PCDH15: variants seen among roughly 807,000 people sequenced by gnomAD.
PCDH15 encodes the protein protocadherin-15.
Under a neutral mutation model 178.5 loss-of-function variants are expected in PCDH15, and 129 were observed. The ratio of observed to expected loss-of-function variants is 0.72; its 90% confidence interval spans 0.63 to 0.84. The LOEUF (loss-of-function observed/expected upper bound fraction) is 0.84. Among genes scored for constraint, PCDH15 ranks in the 40% least tolerant of loss-of-function variants. The pLI, the probability that PCDH15 is intolerant of heterozygous loss-of-function variation, is 0.00. For synonymous variants in PCDH15, 800 were observed against 732.0 expected, an observed-to-expected ratio of 1.09 and a Z score of -1.50; for missense variants, 2,230 against 2,099.9, an observed-to-expected ratio of 1.06 and a Z score of -1.21.
At chr10:53,968,508 TC>T (rs1387001214) in intron 21 of PCDH15, among the ~76,000 whole-genome samples, 2 of 151,994 alleles carry the variant, frequency 1.3e-5, no homozygotes, top group African/African-American at 4.8e-5. Context: ...GAGTAGTGCT[TC>T]CCCCAGCACA....
chr10:54,737,503 G>A (rs1389671310), intron 1 of PCDH15, among the ~76,000 whole-genome samples: 1 of 152,090 alleles, frequency 6.6e-6, no homozygotes. Flanking sequence ...AATTCCAAAT[G>A]TATGAAATTG....
intron 8 of PCDH15, among the ~76,000 whole-genome samples, chr10:54,284,103 G>A (rs752922544): frequency 5.9e-5 from 9 of 152,022 alleles, no homozygotes; most frequent in African/African-American, 9.7e-5. Context: ...CCTAAGTGCT[G>A]GAATTACAGT....
intron 18 of PCDH15, among the ~76,000 whole-genome samples, chr10:54,042,459 G>T (rs373027781): frequency 8.5e-5 from 13 of 152,198 alleles, no homozygotes; most frequent in African/African-American, 2.9e-4. Context: ...TTGAAATGGG[G>T]TACTCAGTGA....
rs190674830 is a variant in PCDH15, at chr10:54,924,234, A to G, written c.-79-26734T>C. Among the ~76,000 whole-genome samples, 12 of 137,260 alleles carry G rather than the reference A, an allele frequency of 8.7e-5. 1 individual carries two copies. The East Asian group carries it at 2.0e-3, about 23-fold the overall frequency. 90.0% of individuals were successfully genotyped at this position (137,260 alleles called of 152,430 possible). A position where few individuals can be genotyped will look rare whatever the true frequency, so the allele number is the denominator to read the frequency against. On this transcript the variant is annotated intron_variant, in intron 2 of 5. Coordinates refer to the PCDH15 transcript ENST00000458638. ...CAATCACAAGAACAGCAGGGGGGAA[A>G]TCCGCCCCCATGATCCAATCACCTC... is the stretch of plus-strand genomic sequence containing the variant.
chr10:54,033,696 CTATT>C (rs758984090), intron 18 of PCDH15, among the ~76,000 whole-genome samples: 5 of 151,904 alleles, frequency 3.3e-5, no homozygotes, highest in South Asian at 2.1e-4. Context: ...CCAGGCCTTC[CTATT>C]TATTTGATTA....
chr10:54,903,675 A>G (rs1467974675), intron 2 of PCDH15, among the ~76,000 whole-genome samples: 3 of 152,180 alleles, frequency 2.0e-5, no homozygotes, highest in Non-Finnish European at 4.4e-5. Context: ...CAATTCAAAA[A>G]TAAAAATTAT....
At chr10:55,166,748 T>C (rs1195075090) in intron 1 of PCDH15, 1 of 152,216 alleles carries the variant, frequency 6.6e-6, no homozygotes, top group Non-Finnish European at 1.5e-5. Flanking sequence ...AGATTATGAT[T>C]ATATTAAGAT....
At chr10:54,244,340 T>C (rs973642443) in intron 8 of PCDH15, among the ~76,000 whole-genome samples, 8 of 152,246 alleles carry the variant, frequency 5.3e-5, no homozygotes, top group African/African-American at 1.2e-4. Flanking sequence ...TCTTTAAAGT[T>C]TGTTTACCTG....
At chr10:54,877,932 CTCTCTCTTTTTTTTTTTTTTTTT>C (rs1262901056) in intron 3 of PCDH15, among the ~76,000 whole-genome samples, 2 of 4,530 alleles carry the variant, frequency 4.4e-4, no homozygotes, top group Non-Finnish European at 1.2e-3. Context: ...CTTTCTCTCT[CTCTCTCTTTTTTTTTTTTTTTTT>C]TTTTTTTTTT....
At chr10:54,787,863 A>G (rs1951036471) in intron 1 of PCDH15, among the ~76,000 whole-genome samples, 1 of 151,990 alleles carries the variant, frequency 6.6e-6, no homozygotes, top group Non-Finnish European at 1.5e-5. Context: ...ATTAGTTAGA[A>G]CAATAAATTT....
At position 55,063,861 on chromosome 10, in the gene PCDH15, G is replaced by A. The variant is rs74136344; in HGVS notation, c.-80+102715C>T. On this transcript the variant is annotated intron_variant, in intron 2 of 5. Coordinates refer to the PCDH15 transcript ENST00000458638. ...TCTGGGACTCCAAAGTTATCAGAAG[G>A]TAAACAAACAACTAGTAGAAAGTAT... is the stretch of plus-strand genomic sequence containing the variant. Among the ~76,000 whole-genome samples the A allele has an allele frequency of 4.9e-3, 741 of 152,224 alleles. 3 individuals carry two copies. The highest frequency in any genetic ancestry group is 0.017 in the African/African-American group (716 of 41,548).
chr10:55,113,788 C>T (rs1170866253), intron 2 of PCDH15, among the ~76,000 whole-genome samples: 1 of 152,090 alleles, frequency 6.6e-6, no homozygotes, highest in Non-Finnish European at 1.5e-5. Flanking sequence ...AGCACAAGCC[C>T]ACAGTCCTGG....
At chr10:54,347,378 T>C (rs1342277) in intron 5 of PCDH15, among the ~76,000 whole-genome samples, 7,001 of 152,126 alleles carry the variant, frequency 0.046, 520 homozygotes, top group African/African-American at 0.16. Flanking sequence ...TCCCCTTTTC[T>C]TGTGCTTGCA....
intron 1 of PCDH15, among the ~76,000 whole-genome samples, chr10:55,230,470 A>G (rs987865483): frequency 6.6e-6 from 1 of 152,126 alleles, no homozygotes; most frequent in African/African-American, 2.4e-5. Flanking sequence ...CTCATATCAC[A>G]TATTTATTCA....
chr10:53,805,690 A>G lies in PCDH15; in HGVS notation c.*889T>C, dbSNP rs1841103638. ...CTGGGTTTACAAACTATTAAAGTCT[A>G]GTGACATTAATGTGAGACTTCCCTA... On this transcript the variant is annotated 3_prime_UTR_variant, in exon 38 of 38. Coordinates refer to ENST00000644397, the MANE Select transcript of PCDH15 (RefSeq NM_001384140.1). The G allele has an allele frequency of 6.6e-6, 1 of 152,114 alleles. No homozygotes were observed. The highest frequency in any genetic ancestry group is 6.6e-5 in the Admixed American group (1 of 15,244). 9.4% of individuals were successfully genotyped at this position (152,114 alleles called of 1,614,324 possible). A position where few individuals can be genotyped will look rare whatever the true frequency, so the allele number is the denominator to read the frequency against.
At chr10:55,434,981 G>T (rs552558864) in intron 2 of PCDH15, among the ~76,000 whole-genome samples, 16 of 152,250 alleles carry the variant, frequency 1.1e-4, no homozygotes, top group East Asian at 1.9e-4. Context: ...ATGAAAACAT[G>T]AATAGTCATG....
At chr10:53,883,250 G>A (rs1016976665) in intron 26 of PCDH15, among the ~76,000 whole-genome samples, 1 of 151,950 alleles carries the variant, frequency 6.6e-6, no homozygotes, top group Non-Finnish European at 1.5e-5. Context: ...CTAGGATCAT[G>A]CCATCCTATA....
chr10:54,801,693 T>TA (rs1440448873), upstream of PCDH15, among the ~76,000 whole-genome samples: 1 of 151,978 alleles, frequency 6.6e-6, no homozygotes, highest in Non-Finnish European at 1.5e-5. Flanking sequence ...CTTTGGGGCA[T>TA]AAAAACAAAA....
chr10:55,525,297 G>A (rs1195400230), intron 2 of PCDH15, among the ~76,000 whole-genome samples: 1 of 151,718 alleles, frequency 6.6e-6, no homozygotes, highest in Non-Finnish European at 1.5e-5. Context: ...GCTTTTTACA[G>A]AACATTTTTT....
Sources: gnomAD v4.1 joint callset for allele counts (sites outside exome capture counted in the v4.1 genomes callset) on GRCh38, gnomAD v4.1.1 for gene constraint, MANE v1.5 for transcripts, NCBI Gene and HGNC (gene_info 2026-07-23, HGNC 2026-07-21) for gene names.